MET: variants seen among roughly 807,000 people sequenced by gnomAD.
MET encodes MET proto-oncogene, receptor tyrosine kinase.
In MET, 48 loss-of-function variants were observed where a neutral mutation model predicts 133.1. The ratio of observed to expected loss-of-function variants is 0.36; its 90% CI spans 0.29 to 0.46. The LOEUF is 0.46. MET is among the 20% of genes least tolerant of loss of function. MET has a pLI of 1.00. For missense variants in MET, 1,442 were observed against 1,695.9 expected, an observed-to-expected ratio of 0.85 and a Z score of 2.63; for synonymous variants, 628 against 616.5, an observed-to-expected ratio of 1.02 and a Z score of -0.28.
chr7:116,767,600 A>G (rs948664287), intron 11 of MET, among the ~76,000 whole-genome samples: 1 of 152,168 alleles, frequency 6.6e-6, no homozygotes, highest in African/African-American at 2.4e-5. Flanking sequence ...TGAGATGATT[A>G]TAACTAAATT....
chr7:116,680,108 T>C (rs1421989477), intron 1 of MET, among the ~76,000 whole-genome samples: 2 of 152,072 alleles, frequency 1.3e-5, no homozygotes, highest in Non-Finnish European at 2.9e-5. Flanking sequence ...AGGAAAATTG[T>C]GTTAATAGGG....
In MET at chr7:116,796,496, T is replaced by G. The variant is rs1489985110; in HGVS notation, c.*372T>G. On this transcript the variant is annotated 3_prime_UTR_variant, in exon 21 of 21. Coordinates refer to ENST00000397752, the MANE Select transcript of MET (RefSeq NM_000245.4). Reference sequence around the variant, plus strand: ...GAAAACTCAGAAGAGATAGTAATGCTCAGGACAGGAGCGGCAGCCCCAGAA... The same window carrying G: ...GAAAACTCAGAAGAGATAGTAATGCGCAGGACAGGAGCGGCAGCCCCAGAA... 1 of 412,784 alleles carries G rather than the reference T, an allele frequency of 2.4e-6. No homozygotes were observed. The allele number at this position is 412,784 out of a possible 1,614,324, so 25.6% of individuals were successfully genotyped here.
At chr7:116,694,334 G>A (rs1461086304) in intron 1 of MET, among the ~76,000 whole-genome samples, 2 of 152,064 alleles carry the variant, frequency 1.3e-5, no homozygotes, top group East Asian at 3.9e-4. Flanking sequence ...CTGACAATAG[G>A]CCCTAGTCCC....
chr7:116,789,596 C>A (rs1265763417), intron 19 of MET, among the ~76,000 whole-genome samples: 1 of 152,118 alleles, frequency 6.6e-6, no homozygotes, highest in Non-Finnish European at 1.5e-5. Flanking sequence ...AATCAGAAAA[C>A]CAGATTTATT....
chr7:116,726,671 T>C (rs1489077118), intron 2 of MET, among the ~76,000 whole-genome samples: 2 of 152,136 alleles, frequency 1.3e-5, no homozygotes, highest in African/African-American at 4.8e-5. Context: ...GGATAACCAC[T>C]CTGAGATTCA....
intron 19 of MET, among the ~76,000 whole-genome samples, chr7:116,792,225 A>G (rs563225683): frequency 6.6e-6 from 1 of 152,168 alleles, no homozygotes; most frequent in East Asian, 1.9e-4. Context: ...GCTTACAACC[A>G]TCTTTCACAT....
chr7:116,699,187 A>T lies in MET; in HGVS notation c.103A>T (p.Met35Leu), dbSNP rs375353223. Residue 35 changes from methionine to leucine, a missense_variant, in exon 2 of 21, where the codon ATG becomes TTG. Physicochemically the swap from Met to Leu is conservative, Grantham distance 15. This residue lies in a region of MET where 762 missense variants were observed against 792.4 expected (regional missense o/e 0.96). Transcript: ENST00000397752. ...ECKEALAKSE[M>L]NVNMKYQLPN... ...TAAAGAGGCACTAGCAAAGTCCGAGATGAATGTGAATATGAAGTATCAGCT... is the reference window on the plus strand; with the variant it reads ...TAAAGAGGCACTAGCAAAGTCCGAGTTGAATGTGAATATGAAGTATCAGCT... The T allele has an allele frequency of 6.1e-5, 98 of 1,613,962 alleles. No homozygotes were observed. In the African/African-American group the frequency reaches 1.1e-3, roughly 18 times the overall value.
chr7:116,732,908 C>A (rs141199678), intron 3 of MET, among the ~76,000 whole-genome samples: 225 of 152,132 alleles, frequency 1.5e-3, no homozygotes, highest in African/African-American at 5.2e-3. Context: ...TTTTCAAGGT[C>A]AAAAACCATG....
chr7:116,739,436 C>A (rs1050733636), intron 3 of MET, among the ~76,000 whole-genome samples: 1 of 152,074 alleles, frequency 6.6e-6, no homozygotes, highest in Non-Finnish European at 1.5e-5. Flanking sequence ...TAGCTGGGGG[C>A]CTGTTTTGAC....
intron 11 of MET, among the ~76,000 whole-genome samples, chr7:116,768,116 CA>C (rs1189855432): frequency 6.6e-6 from 1 of 151,728 alleles, no homozygotes. Context: ...AAATGAGACA[CA>C]GTGGATGTGT....
At chr7:116,787,419 G>C (rs1203028428) in intron 19 of MET, among the ~76,000 whole-genome samples, 1 of 152,190 alleles carries the variant, frequency 6.6e-6, no homozygotes, top group Non-Finnish European at 1.5e-5. Context: ...GAACAGAAAT[G>C]TATTTGGCCC....
intron 1 of MET, among the ~76,000 whole-genome samples, chr7:116,685,221 T>C (rs912150573): frequency 1.3e-5 from 2 of 152,184 alleles, no homozygotes; most frequent in African/African-American, 4.8e-5. Flanking sequence ...CTCTTCATTC[T>C]CTACAGTCCC....
chr7:116,716,485 GAAAGAAAGA>G (rs1298091568), intron 2 of MET, among the ~76,000 whole-genome samples: 1 of 135,808 alleles, frequency 7.4e-6, no homozygotes, highest in Non-Finnish European at 1.6e-5. Flanking sequence ...AAGAAAGAAA[GAAAGAAAGA>G]AAGAAAGAAA....
At chr7:116,730,223 A>G (rs1031373195) in intron 2 of MET, among the ~76,000 whole-genome samples, 1 of 152,192 alleles carries the variant, frequency 6.6e-6, no homozygotes, top group African/African-American at 2.4e-5. Flanking sequence ...CAAGCCGGGA[A>G]ATAGCATCTG....
chr7:116,704,922 A>G (rs555582967), intron 2 of MET, among the ~76,000 whole-genome samples: 2 of 152,132 alleles, frequency 1.3e-5, no homozygotes, highest in Non-Finnish European at 2.9e-5. Flanking sequence ...AATATCATTT[A>G]TACTCAAATT....
chr7:116,718,067 G>A (rs1792315341), intron 2 of MET, among the ~76,000 whole-genome samples: 1 of 152,114 alleles, frequency 6.6e-6, no homozygotes, highest in African/African-American at 2.4e-5. Flanking sequence ...GGCTAAGGAA[G>A]CAAGTTTGCA....
At position 116,789,935 on chromosome 7, in the gene MET, A is replaced by G. The variant is rs902086015; in HGVS notation, c.3799-5720A>G. Among the ~76,000 whole-genome samples the G allele has an allele frequency of 2.0e-5, 3 of 152,224 alleles. No individual in the cohort carries two copies. The East Asian group carries it at 5.8e-4, about 29-fold the overall frequency. ...CACCTGGGTATTAAGCTCGGCATGC[A>G]TTAGCTGCTTTTCCTGATGCTCCTC... On this transcript the variant is annotated intron_variant, in intron 19 of 20. Coordinates refer to ENST00000397752, the MANE Select transcript of MET (RefSeq NM_000245.4).
intron 3 of MET, among the ~76,000 whole-genome samples, chr7:116,739,383 T>C (rs1793357039): frequency 6.6e-6 from 1 of 151,786 alleles, no homozygotes; most frequent in Non-Finnish European, 1.5e-5. Flanking sequence ...TAATATATTG[T>C]GGGACAGTGG....
At position 116,691,336 on chromosome 7, in the gene MET, T is replaced by C. The variant is rs890810332; in HGVS notation, c.-14-7735T>C. 3.9e-4 allele frequency among the ~76,000 whole-genome samples: 60 copies of C among 152,312 alleles called. 3 individuals carry two copies. Among genetic ancestry groups the C allele is most frequent in the Non-Finnish European group, 2.9e-5 (2 of 68,026 alleles). ...ATGTTCTCAAATGCAAAGTGAAATATTTAAAGTAATTATTCAAGTAAATAA... is the reference window on the plus strand; with the variant it reads ...ATGTTCTCAAATGCAAAGTGAAATACTTAAAGTAATTATTCAAGTAAATAA... On this transcript the variant is annotated intron_variant, in intron 1 of 20. Transcript: ENST00000397752.
Sources: gnomAD v4.1 joint callset for allele counts (sites outside exome capture counted in the v4.1 genomes callset) on GRCh38, gnomAD v4.1.1 for gene constraint, gnomAD v4.1.1 regional missense constraint, MANE v1.5 for transcripts, NCBI Gene and HGNC (gene_info 2026-07-23, HGNC 2026-07-21) for gene names.